CTNND2: variants seen among roughly 807,000 people sequenced by gnomAD.
CTNND2 encodes the protein catenin delta 2.
A neutral mutation model predicts 144.4 loss-of-function variants in CTNND2; 22 were observed. The observed-to-expected ratio is 0.15, with a 90% CI of 0.11 to 0.22. The LOEUF is 0.22. CTNND2 is among the 10% of genes least tolerant of loss of function. The pLI, the probability that CTNND2 is intolerant of heterozygous loss-of-function variation, is 1.00. For missense variants in CTNND2, 1,353 were observed against 1,618.8 expected (o/e 0.84, Z 2.82); for synonymous variants, 751 against 695.6 (o/e 1.08, Z -1.25).
At chr5:11,892,338 C>T (rs1737039618) in intron 1 of CTNND2, among the ~76,000 whole-genome samples, 1 of 152,144 alleles carries the variant, frequency 6.6e-6, no homozygotes, top group Non-Finnish European at 1.5e-5. Context: ...TACGAACAGT[C>T]CTACATTTCT....
At chr5:11,290,413 G>A (rs1030455978) in intron 9 of CTNND2, among the ~76,000 whole-genome samples, 1 of 152,138 alleles carries the variant, frequency 6.6e-6, no homozygotes, top group Non-Finnish European at 1.5e-5. Flanking sequence ...CAATGATAGT[G>A]CATTTTGTAC....
chr5:11,155,566 G>C (rs1031591128), intron 12 of CTNND2, among the ~76,000 whole-genome samples: 1 of 152,124 alleles, frequency 6.6e-6, no homozygotes, highest in African/African-American at 2.4e-5. Context: ...GTGGGGAAGA[G>C]GTAGCGGAGG....
At chr5:11,487,226 T>G (rs1768917969) in intron 3 of CTNND2, among the ~76,000 whole-genome samples, 1 of 152,204 alleles carries the variant, frequency 6.6e-6, no homozygotes, top group South Asian at 2.1e-4. Context: ...ACTCTTAGCT[T>G]CTACTTAATA....
In CTNND2 at chr5:11,182,579, T is replaced by C. The variant is rs111615834; in HGVS notation, c.1975+16869A>G. 2.7e-3 allele frequency among the ~76,000 whole-genome samples: 416 copies of C among 152,152 alleles called. 5 individuals are homozygous for C. Among genetic ancestry groups the C allele is most frequent in the African/African-American group, 9.4e-3 (390 of 41,494 alleles). On this transcript the variant is annotated intron_variant, in intron 11 of 21. Transcript: ENST00000304623. ...TTAATTGCAGGTGATTGCCCTCAAC[T>C]TCCCGCCCTCAACTTCCCACCCGCA...
intron 3 of CTNND2, among the ~76,000 whole-genome samples, chr5:11,554,195 ACT>A (rs1441961127): frequency 2.0e-5 from 3 of 152,168 alleles, no homozygotes; most frequent in South Asian, 4.1e-4. Context: ...GATAACATAA[ACT>A]CTTAAGCTTT....
chr5:11,776,697 A>T (rs1048367729), intron 1 of CTNND2, among the ~76,000 whole-genome samples: 1 of 152,192 alleles, frequency 6.6e-6, no homozygotes, highest in Non-Finnish European at 1.5e-5. Context: ...ATCTGATTGT[A>T]GCTATTATCG....
chr5:11,626,299 C>T (rs1781149792), intron 2 of CTNND2, among the ~76,000 whole-genome samples: 1 of 152,142 alleles, frequency 6.6e-6, no homozygotes, highest in Admixed American at 6.6e-5. Flanking sequence ...AGGCTGATTG[C>T]TTGTTGTGCT....
chr5:11,168,566 T>C (rs539051616), intron 11 of CTNND2, among the ~76,000 whole-genome samples: 2 of 152,162 alleles, frequency 1.3e-5, no homozygotes, highest in African/African-American at 2.4e-5. Context: ...GCAAGAACTT[T>C]GAAAAAATGT....
intron 3 of CTNND2, among the ~76,000 whole-genome samples, chr5:11,444,889 T>C (rs1023470581): frequency 6.6e-6 from 1 of 152,036 alleles, no homozygotes; most frequent in Non-Finnish European, 1.5e-5. Flanking sequence ...GATTGGGGTA[T>C]GTGATCAGGG....
At chr5:11,625,376 T>C (rs1781098573) in intron 2 of CTNND2, among the ~76,000 whole-genome samples, 1 of 146,202 alleles carries the variant, frequency 6.8e-6, no homozygotes, top group South Asian at 2.2e-4. Flanking sequence ...AACTGGGTAA[T>C]GCAAACAGAA....
intron 12 of CTNND2, among the ~76,000 whole-genome samples, chr5:11,153,292 A>T (rs1757917763): frequency 6.6e-6 from 1 of 152,184 alleles, no homozygotes. Flanking sequence ...TGCTGAATTC[A>T]GCTGACACAT....
chr5:11,003,021 T>C (rs988977247), intron 18 of CTNND2, among the ~76,000 whole-genome samples: 3 of 152,220 alleles, frequency 2.0e-5, no homozygotes, highest in Non-Finnish European at 4.4e-5. Context: ...CTACCTGTTT[T>C]TTAAAAAGTT....
At chr5:11,534,048 A>G (rs763077712) in intron 3 of CTNND2, among the ~76,000 whole-genome samples, 21 of 152,210 alleles carry the variant, frequency 1.4e-4, no homozygotes, top group Non-Finnish European at 1.6e-4. Flanking sequence ...TCCCCTCACC[A>G]ATAAAAAAAT....
In CTNND2 at chr5:11,346,439, G is replaced by A. The variant is rs1754787488; in HGVS notation, c.1561C>T (p.Pro521Ser). 2 of 1,563,684 alleles carry A rather than the reference G, an allele frequency of 1.3e-6. No homozygotes were observed. The highest frequency in any genetic ancestry group is 1.7e-6 in the Non-Finnish European group (2 of 1,151,860). The change falls in exon 9 of 22, where the codon CCT becomes TCT. Residue 521 changes from proline to serine, a missense_variant. By Grantham distance (74) the Pro-to-Ser change is moderately conservative (BLOSUM62 -1). Transcript: ENST00000304623. ...SVESPYSKSGPALPPEGTLAR... is the reference protein window; with the variant it reads ...SVESPYSKSGSALPPEGTLAR... ...AAGGTGCCTTCAGGCGGGAGAGCAG[G>A]GCCGGATTTGCTGTATGGAGACTCA... is the stretch of plus-strand genomic sequence containing the variant.
At chr5:11,313,805 G>C (rs569840524) in intron 9 of CTNND2, among the ~76,000 whole-genome samples, 3 of 152,170 alleles carry the variant, frequency 2.0e-5, no homozygotes, top group Admixed American at 6.5e-5. Flanking sequence ...GGCTGTACAG[G>C]AAGCATGGCT....
chr5:11,525,893 A>C (rs959009403), intron 3 of CTNND2, among the ~76,000 whole-genome samples: 8 of 152,036 alleles, frequency 5.3e-5, no homozygotes, highest in African/African-American at 1.9e-4. Flanking sequence ...GTAAATCACT[A>C]TCTTACTTGT....
At chr5:11,858,520 C>T (rs377221056) in intron 1 of CTNND2, among the ~76,000 whole-genome samples, 49 of 152,318 alleles carry the variant, frequency 3.2e-4, no homozygotes, top group African/African-American at 1.0e-3. Context: ...TTGCTCTACA[C>T]GAACCCTGCA....
chr5:11,383,188 A>C (rs1262013578), intron 7 of CTNND2, among the ~76,000 whole-genome samples: 1 of 152,098 alleles, frequency 6.6e-6, no homozygotes, highest in Non-Finnish European at 1.5e-5. Context: ...TAAGTGTAAG[A>C]AATGAAATGG....
At chr5:11,204,816 TA>T (rs550423069) in intron 10 of CTNND2, among the ~76,000 whole-genome samples, 27 of 149,970 alleles carry the variant, frequency 1.8e-4, no homozygotes, top group East Asian at 5.8e-4. Context: ...TGTCTTTATT[TA>T]AAAAAAAAAT....
Sources: gnomAD v4.1 joint callset for allele counts (sites outside exome capture counted in the v4.1 genomes callset) on GRCh38, gnomAD v4.1.1 for gene constraint, MANE v1.5 for transcripts, NCBI Gene and HGNC (gene_info 2026-07-23, HGNC 2026-07-21) for gene names.